Variants in SGSM2 observed in about 807,000 individuals in gnomAD.
SGSM2 encodes RUN and TBC1 domain containing 1.
SGSM2 carries 89 observed loss-of-function variants against 126.6 expected under a neutral mutation model. The observed-to-expected ratio is 0.70, with a 90% confidence interval of 0.59 to 0.84. The LOEUF (loss-of-function observed/expected upper bound fraction) is 0.84. Ranked by LOEUF, SGSM2 falls within the 40% of genes least tolerant of loss-of-function variation. SGSM2 has a pLI of 0.00. For missense variants in SGSM2, 1,404 were observed against 1,416.6 expected (o/e 0.99, Z 0.14); for synonymous variants, 614 against 574.3 (o/e 1.07, Z -0.99).
chr17:2,364,533 CAAGG>C (rs1372347963), intron 8 of SGSM2, 59 bp from the exon 9 acceptor site: 416 of 1,559,484 alleles, frequency 2.7e-4, no homozygotes, highest in Non-Finnish European at 3.2e-4. Context: ...GACCAGGAGA[CAAGG>C]AAGGAAGGAA....
chr17:2,369,976 C>A (rs1042738852), intron 12 of SGSM2, among the ~76,000 whole-genome samples: 1 of 152,208 alleles, frequency 6.6e-6, no homozygotes, highest in Admixed American at 6.5e-5. Flanking sequence ...AACTCCCGGC[C>A]GTGGGTCTGG....
intron 1 of SGSM2, 118 bp from the exon 2 acceptor site, chr17:2,343,426 TC>T: frequency 1.1e-6 from 1 of 894,400 alleles, no homozygotes; most frequent in Non-Finnish European, 1.8e-6. Flanking sequence ...CCCTGTCATC[TC>T]TGCAAGTGTC....
In SGSM2 at chr17:2,373,407, G is replaced by A. The variant is rs765716261; in HGVS notation, c.1994G>A (p.Arg665Gln). The A allele has an allele frequency of 1.6e-5, 26 of 1,612,174 alleles. No individual in the cohort carries two copies. The highest frequency in any genetic ancestry group is 1.6e-4 in the Middle Eastern group (1 of 6,082). ...WKACEVVVRQ[R>Q]EREAHPATRT... ...GCCTGCGAGGTGGTGGTGAGGCAGC[G>A]GGAGCGGGAGGCCCACCCAGCCACA... The change falls in exon 17 of 24, where the codon CGG becomes CAG. Residue 665 changes from arginine to glutamine, a missense_variant. Transcript: ENST00000268989.
intron 18 of SGSM2, 101 bp from the exon 19 acceptor site, chr17:2,376,036 C>G: frequency 1.3e-6 from 2 of 1,574,982 alleles, no homozygotes; most frequent in Non-Finnish European, 1.7e-6. Flanking sequence ...TCGCTCTGGT[C>G]TCTGGGTTCC....
Position 2,371,435 on chromosome 17 carries a change from C to G in SGSM2, c.1577+20C>G. On this transcript the variant is annotated intron_variant, in intron 13 of 23. Coordinates refer to ENST00000268989, the MANE Select transcript of SGSM2 (RefSeq NM_014853.3). ...CGACCGGTGAGTGGGCAGCGCTCGG[C>G]CCCAGCTTCCCGTTAGCGTGTCCAG... 1 of 1,571,390 alleles carries G rather than the reference C, an allele frequency of 6.4e-7. No homozygotes were observed. The highest frequency in any genetic ancestry group is 8.6e-7 in the Non-Finnish European group (1 of 1,157,958).
chr17:2,368,352 GGGTA>G (rs936424279), intron 12 of SGSM2, among the ~76,000 whole-genome samples: 16 of 152,172 alleles, frequency 1.1e-4, no homozygotes, highest in Non-Finnish European at 7.4e-5. Flanking sequence ...AGAAAGGGGT[GGGTA>G]GGAAGAGGCT....
chr17:2,367,234 C>T lies in SGSM2; in HGVS notation c.1289-37C>T, dbSNP rs2065633260. On this transcript the variant is annotated intron_variant, in intron 11 of 23. Transcript: ENST00000268989. This position sits in a 1 kb window ranked among gnomAD's most constrained non-coding sequence, Gnocchi z 4.0. ...AGTCCGTCCTGCCCAGGGATGAGGGCCTCATGCCTCTGCCTCTCGCTGTTC... is the reference window on the plus strand; with the variant it reads ...AGTCCGTCCTGCCCAGGGATGAGGGTCTCATGCCTCTGCCTCTCGCTGTTC... 2 of 1,595,354 alleles carry T rather than the reference C, an allele frequency of 1.3e-6. No individual in the cohort carries two copies. The highest frequency in any genetic ancestry group is 2.2e-5 in the East Asian group (1 of 44,568).
At chr17:2,369,217 T>G (rs1208442249) in intron 12 of SGSM2, among the ~76,000 whole-genome samples, 1 of 152,226 alleles carries the variant, frequency 6.6e-6, no homozygotes, top group African/African-American at 2.4e-5. Flanking sequence ...TTCTGCCAGC[T>G]GTTGCTTTTC....
chr17:2,376,341 C>CCCTGCTCCTCTCT, intron 19 of SGSM2, 80 bp downstream of exon 19: 5 of 1,569,096 alleles, frequency 3.2e-6, no homozygotes, highest in Middle Eastern at 1.8e-4. Context: ...CCGGAAGGTG[C>CCCTGCTCCTCTCT]CCTGCTCCTC....
chr17:2,368,626 G>A (rs551862088), intron 12 of SGSM2, among the ~76,000 whole-genome samples: 154 of 152,304 alleles, frequency 1.0e-3, no homozygotes, highest in African/African-American at 3.3e-3. Context: ...GCTGCCAGCT[G>A]CCCTCCTACT....
chr17:2,363,515 C>G lies in SGSM2; in HGVS notation c.723C>G (p.Ala241=). 2.5e-6 allele frequency: 4 copies of G among 1,613,372 alleles called. No homozygotes were observed. The highest frequency in any genetic ancestry group is 3.4e-6 in the Non-Finnish European group (4 of 1,179,964). ...SGSASEDRLA[A]CARECVESLH... is the part of the protein sequence containing the mutation. ...GCGCGTCGGAGGACAGGCTGGCTGC[C>G]TGTGCCCGCGAGTGTGTGGAGTCCC... Residue 241 remains alanine (A), a synonymous_variant, in exon 7 of 24, where the codon GCC becomes GCG. Coordinates refer to ENST00000268989, the MANE Select transcript of SGSM2 (RefSeq NM_014853.3). This position sits in a 1 kb window ranked among gnomAD's most constrained non-coding sequence, Gnocchi z 4.2.
intron 17 of SGSM2, chr17:2,374,426 C>A (rs2447098): frequency 0.57 from 86,942 of 151,616 alleles, 25,501 homozygotes; most frequent in South Asian, 0.78. Flanking sequence ...AAAATGCAAA[C>A]CTTTGCCGCA....
chr17:2,354,886 G>A (rs2065027774), intron 2 of SGSM2, among the ~76,000 whole-genome samples: 1 of 138,532 alleles, frequency 7.2e-6, no homozygotes, highest in Admixed American at 7.0e-5. Flanking sequence ...CGGGGTGTAA[G>A]CGTTGGGGAA....
At chr17:2,352,655 C>T (rs1000084951) in intron 2 of SGSM2, among the ~76,000 whole-genome samples, 1 of 151,872 alleles carries the variant, frequency 6.6e-6, no homozygotes, top group Admixed American at 6.6e-5. Context: ...CAGCTTTCAA[C>T]GTAGATATAT....
In SGSM2 at chr17:2,343,566, G is replaced by T; in HGVS notation, c.79G>T (p.Ala27Ser). The T allele has an allele frequency of 6.2e-7, 1 of 1,614,184 alleles. No individual in the cohort carries two copies. The highest frequency in any genetic ancestry group is 8.5e-7 in the Non-Finnish European group (1 of 1,180,024). ...KKEVKQIMEE[A>S]VTRKFVHEDS... ...GCAGGTGAAGCAAATCATGGAGGAG[G>T]CTGTCACCAGGAAGTTTGTGCATGA... Residue 27 changes from alanine to serine, a missense_variant, in exon 2 of 24, where the codon GCT becomes TCT. By Grantham distance (99) the Ala-to-Ser change is moderately conservative (BLOSUM62 1). Transcript: ENST00000268989.
chr17:2,344,569 C>T (rs144802656), intron 2 of SGSM2, among the ~76,000 whole-genome samples: 69 of 152,280 alleles, frequency 4.5e-4, no homozygotes, highest in Non-Finnish European at 8.4e-4. Context: ...CACCGTTCAC[C>T]GTGCAAGGAA....
Position 2,361,749 on chromosome 17 carries a change from G to A in SGSM2, c.246G>A (p.Ala82=), listed in dbSNP as rs137911478. 9.3e-6 allele frequency: 15 copies of A among 1,613,132 alleles called. No individual in the cohort carries two copies. Among genetic ancestry groups the A allele is most frequent in the East Asian group, 2.2e-5 (1 of 44,904 alleles). Residue 82 remains alanine (A), a synonymous_variant, in exon 3 of 24, where the codon GCG becomes GCA. Coordinates refer to ENST00000268989, the MANE Select transcript of SGSM2 (RefSeq NM_014853.3). The part of the protein sequence containing the change: ...FTKVGKTCPV[A]GEICHKVQEL... ...AGGTGGGGAAGACGTGCCCAGTGGC[G>A]GGGGAGATTTGCCACAAGGTACAGG...
intron 21 of SGSM2, chr17:2,377,293 G>C: frequency 2.0e-6 from 1 of 501,016 alleles, no homozygotes; most frequent in South Asian, 2.6e-5. Flanking sequence ...AGACCAGCCT[G>C]GCCAACATCG....
At position 2,363,348 on chromosome 17, in the gene SGSM2, C is replaced by T. The variant is rs773151339; in HGVS notation, c.673-117C>T. 6.9e-5 allele frequency: 103 copies of T among 1,498,980 alleles called. No homozygotes were observed. Among genetic ancestry groups the T allele is most frequent in the South Asian group, 8.4e-5 (7 of 83,640 alleles). The allele number at this position is 1,498,980 out of a possible 1,614,324, so 92.9% of individuals were successfully genotyped here. ...GAGCAGAGGGTGGCTGGGAGTAAAC[C>T]GGGGCAGGAAGGACCCCTGGGGTCA... is the stretch of plus-strand genomic sequence containing the variant. On this transcript the variant is annotated intron_variant, in intron 6 of 23. Transcript: ENST00000268989. This position sits in a 1 kb window ranked among gnomAD's most constrained non-coding sequence, Gnocchi z 4.2.
Sources: allele counts gnomAD v4.1 joint callset (sites outside exome capture counted in the v4.1 genomes callset), GRCh38; gene constraint gnomAD v4.1.1; non-coding constraint Gnocchi (gnomAD v3.1); transcripts MANE v1.5; gene names NCBI Gene and HGNC (gene_info 2026-07-23, HGNC 2026-07-21).